Variants in MEIS2 observed in about 807,000 individuals in gnomAD.
The protein encoded by MEIS2 is homeobox protein Meis2.
Under a neutral mutation model 58.6 loss-of-function variants are expected in MEIS2, and 9 were observed. The observed-to-expected ratio is 0.15, with a 90% CI of 0.09 to 0.27. The LOEUF is 0.27. Ranked by LOEUF, MEIS2 falls within the 10% of genes least tolerant of loss-of-function variation. The pLI, the probability that MEIS2 is intolerant of heterozygous loss-of-function variation, is 1.00. For missense variants in MEIS2, 427 were observed against 635.0 expected, an observed-to-expected ratio of 0.67 and a Z score of 3.52; for synonymous variants, 221 against 228.4, an observed-to-expected ratio of 0.97 and a Z score of 0.29.
In MEIS2 at chr15:36,889,956, C is replaced by G. The variant is rs1270843083; in HGVS notation, c.*2217G>C. On this transcript the variant is annotated 3_prime_UTR_variant, in exon 12 of 12. Coordinates refer to ENST00000561208, the MANE Select transcript of MEIS2 (RefSeq NM_170675.5). ...TTTAAACAGCAACACAACACTTAAA[C>G]TGAAATGTATTTGTAAAAATTCTAC... 6.6e-6 allele frequency: 1 copy of G among 152,082 alleles called. No individual in the cohort carries two copies. Among genetic ancestry groups the G allele is most frequent in the Non-Finnish European group, 1.5e-5 (1 of 67,984 alleles). 9.4% of individuals were successfully genotyped at this position (152,082 alleles called of 1,614,324 possible).
chr15:37,098,333 G>A (rs901730124), intron 1 of MEIS2, 134 bp from the exon 2 acceptor site: 41 of 1,301,756 alleles, frequency 3.1e-5, no homozygotes, highest in Non-Finnish European at 5.9e-6. Flanking sequence ...GAGAGAGGGA[G>A]GGAGGTAAGA....
At chr15:37,036,995 A>G in intron 7 of MEIS2, 36 bp from the exon 8 acceptor site, 1 of 1,572,886 alleles carries the variant, frequency 6.4e-7, no homozygotes, top group Non-Finnish European at 8.6e-7. Flanking sequence ...TAGAGAAAAC[A>G]TCGCAAGGTG....
chr15:36,920,534 C>T (rs1325711893), intron 9 of MEIS2, among the ~76,000 whole-genome samples: 2 of 152,204 alleles, frequency 1.3e-5, no homozygotes, highest in South Asian at 4.1e-4. Flanking sequence ...GATGCAGAAC[C>T]TGTTTCACTG....
At chr15:36,900,166 A>C (rs1352309482) in intron 9 of MEIS2, among the ~76,000 whole-genome samples, 1 of 152,242 alleles carries the variant, frequency 6.6e-6, no homozygotes, top group Non-Finnish European at 1.5e-5. Context: ...CTTCAATATT[A>C]AACAGTTCTT....
At chr15:37,025,268 A>G (rs755187774) in intron 8 of MEIS2, among the ~76,000 whole-genome samples, 4 of 152,250 alleles carry the variant, frequency 2.6e-5, no homozygotes, top group Non-Finnish European at 4.4e-5. Flanking sequence ...GGCTATTTCT[A>G]ATCTTAGCTA....
chr15:37,086,415 A>ATACCAT (rs1892888799), intron 6 of MEIS2, among the ~76,000 whole-genome samples: 3 of 152,144 alleles, frequency 2.0e-5, no homozygotes, highest in Non-Finnish European at 4.4e-5. Context: ...TCTGAAGGAG[A>ATACCAT]TGTTTTCTAA....
At chr15:36,946,560 T>A (rs1408956824) in intron 9 of MEIS2, among the ~76,000 whole-genome samples, 1 of 152,026 alleles carries the variant, frequency 6.6e-6, no homozygotes, top group African/African-American at 2.4e-5. Context: ...GAAATCTCCA[T>A]TCCTATTTGT....
intron 9 of MEIS2, among the ~76,000 whole-genome samples, chr15:36,927,782 A>G (rs2057806480): frequency 6.6e-6 from 1 of 152,186 alleles, no homozygotes; most frequent in Non-Finnish European, 1.5e-5. Context: ...TCCCTTCTCT[A>G]CATGTGTTAG....
In MEIS2 at chr15:37,100,196, A is replaced by G. The variant is rs1894928224; in HGVS notation, c.-730T>C. ...CAAGAAAAAAAAATGAATAGTTTGC[A>G]AAAATTGGACTTCCTCCCCCCCTTT... On this transcript the variant is annotated 5_prime_UTR_variant, in exon 1 of 12. Transcript: ENST00000561208. 6.6e-6 allele frequency: 1 copy of G among 150,640 alleles called. No homozygotes were observed. The highest frequency in any genetic ancestry group is 1.5e-5 in the Non-Finnish European group (1 of 67,838). The allele number at this position is 150,640 out of a possible 1,614,324, so 9.3% of individuals were successfully genotyped here. A position where few individuals can be genotyped will look rare whatever the true frequency, so the allele number is the denominator to read the frequency against.
At chr15:37,093,212 C>T (rs958382347) in intron 6 of MEIS2, among the ~76,000 whole-genome samples, 3 of 152,230 alleles carry the variant, frequency 2.0e-5, no homozygotes, top group African/African-American at 4.8e-5. Flanking sequence ...AGCTAACTGT[C>T]TTGCTTCTTT....
chr15:36,928,425 G>A (rs1195269667), intron 9 of MEIS2, among the ~76,000 whole-genome samples: 1 of 152,124 alleles, frequency 6.6e-6, no homozygotes, highest in Non-Finnish European at 1.5e-5. Context: ...TGATGGATGA[G>A]GAAGCTGAGG....
chr15:36,892,513 C>T, intron 11 of MEIS2, 54 bp from the exon 12 acceptor site: 2 of 1,051,702 alleles, frequency 1.9e-6, no homozygotes, highest in Non-Finnish European at 2.8e-6. Context: ...CATTTTTATA[C>T]TTTACCCATC....
chr15:36,968,301 T>G (rs1222419264), intron 8 of MEIS2, among the ~76,000 whole-genome samples: 2 of 152,188 alleles, frequency 1.3e-5, no homozygotes, highest in African/African-American at 2.4e-5. Flanking sequence ...GTTAGAAATT[T>G]CTTTGTAGGA....
At chr15:37,004,342 G>A (rs2060839920) in intron 8 of MEIS2, among the ~76,000 whole-genome samples, 1 of 152,208 alleles carries the variant, frequency 6.6e-6, no homozygotes, top group Admixed American at 6.5e-5. Context: ...CTTGAATACA[G>A]TGCTAGAATC....
At chr15:36,893,304 C>T (rs2055984064) in intron 11 of MEIS2, among the ~76,000 whole-genome samples, 1 of 152,332 alleles carries the variant, frequency 6.6e-6, no homozygotes, top group Non-Finnish European at 1.5e-5. Context: ...TTATTCACCT[C>T]TATTTAACCT....
chr15:36,971,679 T>C (rs2059578244), intron 8 of MEIS2, among the ~76,000 whole-genome samples: 1 of 150,294 alleles, frequency 6.7e-6, no homozygotes, highest in Non-Finnish European at 1.5e-5. Context: ...GGGAACACAA[T>C]ATACACAATT....
At chr15:37,009,055 C>T (rs1451216202) in intron 8 of MEIS2, among the ~76,000 whole-genome samples, 2 of 151,980 alleles carry the variant, frequency 1.3e-5, no homozygotes, top group Non-Finnish European at 2.9e-5. Context: ...TTTGGGAGGC[C>T]GAGGCGGGCA....
intron 7 of MEIS2, among the ~76,000 whole-genome samples, chr15:37,041,164 T>C (rs1281282833): frequency 1.3e-5 from 2 of 152,208 alleles, no homozygotes; most frequent in South Asian, 2.1e-4. Context: ...AAAGAAGCTA[T>C]AGAACATTGG....
intron 8 of MEIS2, among the ~76,000 whole-genome samples, chr15:37,000,625 A>T (rs2060688438): frequency 6.6e-6 from 1 of 152,022 alleles, no homozygotes; most frequent in South Asian, 2.1e-4. Flanking sequence ...AGAAAGAGCC[A>T]TTCTTCCACG....
Sources: allele counts gnomAD v4.1 joint callset (sites outside exome capture counted in the v4.1 genomes callset), GRCh38; gene constraint gnomAD v4.1.1; transcripts MANE v1.5; gene names NCBI Gene and HGNC (gene_info 2026-07-23, HGNC 2026-07-21).